The following PRPSAP2 variants were observed in gnomAD, a reference collection of about 807,000 sequenced individuals.
The protein encoded by PRPSAP2 is phosphoribosyl pyrophosphate synthase-associated protein 2.
A neutral mutation model predicts 40.6 loss-of-function variants in PRPSAP2; 24 were observed. That is an observed-to-expected ratio of 0.59 (90% CI 0.43 to 0.83). The LOEUF (loss-of-function observed/expected upper bound fraction) is 0.83. Ranked by LOEUF, PRPSAP2 falls within the 40% of genes least tolerant of loss-of-function variation. The probability of loss-of-function intolerance (pLI) is 0.00; values close to 1 mark genes in which losing one functional copy is unlikely to be tolerated. For missense variants in PRPSAP2, 292 were observed against 465.6 expected, an observed-to-expected ratio of 0.63 and a Z score of 3.43; for synonymous variants, 149 against 164.7, an observed-to-expected ratio of 0.90 and a Z score of 0.73.
chr17:18,886,958 C>T (rs1158422722), intron 7 of PRPSAP2, among the ~76,000 whole-genome samples: 11 of 59,354 alleles, frequency 1.9e-4, no homozygotes, highest in Admixed American at 1.5e-3. Context: ...TTTTTTGAGA[C>T]GGAGTTTTGC....
chr17:18,883,975 A>G (rs1258592905), intron 7 of PRPSAP2, among the ~76,000 whole-genome samples: 1 of 152,236 alleles, frequency 6.6e-6, no homozygotes, highest in African/African-American at 2.4e-5. Context: ...CACAAGAAAC[A>G]TAAAAACTCT....
At chr17:18,908,770 C>G in intron 8 of PRPSAP2, 2 of 704,962 alleles carry the variant, frequency 2.8e-6, no homozygotes, top group Admixed American at 4.4e-5. Context: ...AAGAAAGGAT[C>G]GGGCAAAAAC....
chr17:18,907,863 G>A lies in PRPSAP2; in HGVS notation c.585-3240G>A, dbSNP rs116025552. Among the ~76,000 whole-genome samples the A allele has an allele frequency of 5.8e-3, 879 of 152,236 alleles. 9 individuals are homozygous for A. The highest frequency in any genetic ancestry group is 0.02 in the African/African-American group (847 of 41,540). On this transcript the variant is annotated intron_variant, in intron 8 of 11. Transcript: ENST00000268835. ...ATGAAAATGAAGACACAGGCCAGGC[G>A]CGGTGGCTCATGCCTGTATTCCCAA...
At chr17:18,907,514 C>T (rs938390504) in intron 8 of PRPSAP2, among the ~76,000 whole-genome samples, 1 of 152,096 alleles carries the variant, frequency 6.6e-6, no homozygotes. Context: ...ATTAAGGATG[C>T]GGGAGACTTG....
chr17:18,861,168 A>G (rs528897229), intron 1 of PRPSAP2, among the ~76,000 whole-genome samples: 1 of 152,306 alleles, frequency 6.6e-6, no homozygotes, highest in Admixed American at 6.5e-5. Flanking sequence ...AACTAAAACT[A>G]CAAGCAGGCA....
chr17:18,910,650 A>T (rs980436709), intron 8 of PRPSAP2, among the ~76,000 whole-genome samples: 4 of 152,148 alleles, frequency 2.6e-5, no homozygotes, highest in African/African-American at 9.7e-5. Context: ...GAAATTATAT[A>T]CTTTAGATAT....
chr17:18,927,194 C>T (rs2042022958), intron 10 of PRPSAP2, among the ~76,000 whole-genome samples: 1 of 152,100 alleles, frequency 6.6e-6, no homozygotes, highest in Non-Finnish European at 1.5e-5. Context: ...CTTTTTATAG[C>T]GACATGAATT....
chr17:18,925,985 G>A (rs566855301), intron 10 of PRPSAP2, among the ~76,000 whole-genome samples: 17 of 151,996 alleles, frequency 1.1e-4, no homozygotes, highest in Non-Finnish European at 2.1e-4. Flanking sequence ...GGCTCCTGTA[G>A]TCCCAGCTAC....
At chr17:18,905,582 A>ATT (rs879454109) in intron 8 of PRPSAP2, among the ~76,000 whole-genome samples, 2 of 145,986 alleles carry the variant, frequency 1.4e-5, no homozygotes, top group Non-Finnish European at 1.5e-5. Flanking sequence ...TCTCTTGAGA[A>ATT]TTTTTTTTTT....
In PRPSAP2 at chr17:18,911,150, A is replaced by G. The variant is rs765370145; in HGVS notation, c.632A>G (p.His211Arg). ...CTGCGCCTGGGAATTGCAGTGATTC[A>G]TGGAGAGGCGCAGGATGCCGAGTCG... Reference protein sequence around the residue: ...ERLRLGIAVIHGEAQDAESDL... With the variant: ...ERLRLGIAVIRGEAQDAESDL... Residue 211 changes from histidine to arginine, a missense_variant, in exon 9 of 12, where the codon CAT (histidine) becomes CGT (arginine). Physicochemically the swap from His to Arg is conservative, Grantham distance 29. Around this residue, in one of 2 missense-constraint regions of PRPSAP2, gnomAD observed 241 missense variants for 425.7 expected, o/e 0.57. Coordinates refer to ENST00000268835, the MANE Select transcript of PRPSAP2 (RefSeq NM_002767.4). The surrounding 1 kb of genome is among the most constrained non-coding windows in gnomAD (Gnocchi z 4.5). The G allele has an allele frequency of 8.7e-6, 14 of 1,613,738 alleles. No individual in the cohort carries two copies.
chr17:18,920,997 T>C (rs1167540875), intron 9 of PRPSAP2, among the ~76,000 whole-genome samples: 2 of 149,664 alleles, frequency 1.3e-5, no homozygotes, highest in African/African-American at 4.9e-5. Flanking sequence ...CAGCAATTTC[T>C]TTTTTTTTTC....
chr17:18,916,847 C>T (rs1044010682), intron 9 of PRPSAP2, among the ~76,000 whole-genome samples: 6 of 152,190 alleles, frequency 3.9e-5, no homozygotes, highest in Non-Finnish European at 8.8e-5. Flanking sequence ...CAAGGCAGCT[C>T]TCTGTAAGGG....
chr17:18,878,351 G>A (rs1242819289), intron 6 of PRPSAP2, among the ~76,000 whole-genome samples: 3 of 151,994 alleles, frequency 2.0e-5, no homozygotes, highest in South Asian at 2.1e-4. Flanking sequence ...CTGAGTAGTT[G>A]GAACTATGGA....
intron 8 of PRPSAP2, among the ~76,000 whole-genome samples, chr17:18,894,838 T>G (rs988029490): frequency 6.6e-6 from 1 of 152,138 alleles, no homozygotes; most frequent in African/African-American, 2.4e-5. Context: ...TTCAATATTG[T>G]GTTGGCTATT....
chr17:18,863,058 G>C (rs1232659857), intron 1 of PRPSAP2, among the ~76,000 whole-genome samples: 1 of 152,022 alleles, frequency 6.6e-6, no homozygotes, highest in Non-Finnish European at 1.5e-5. Flanking sequence ...CTGACCTCGT[G>C]ATCCACCTGC....
rs140627139 is a variant in PRPSAP2, at chr17:18,896,069, C to A, written c.584+6192C>A. 9.9e-5 allele frequency among the ~76,000 whole-genome samples: 15 copies of A among 152,282 alleles called. No homozygotes were observed. In the East Asian group the frequency reaches 2.9e-3, roughly 29 times the overall value. ...TAAAAGTGTGAGCCACCATGCCCGG[C>A]CCATATTTTCCTTTTTGTTTGCATG... On this transcript the variant is annotated intron_variant, in intron 8 of 11. Transcript: ENST00000268835.
chr17:18,893,486 G>A (rs2039708949), intron 8 of PRPSAP2, among the ~76,000 whole-genome samples: 1 of 151,934 alleles, frequency 6.6e-6, no homozygotes, highest in Non-Finnish European at 1.5e-5. Flanking sequence ...CAGGTGCAGT[G>A]GCTCACTTCT....
At chr17:18,894,300 C>T (rs1378251614) in intron 8 of PRPSAP2, among the ~76,000 whole-genome samples, 3 of 151,908 alleles carry the variant, frequency 2.0e-5, no homozygotes, top group African/African-American at 7.3e-5. Flanking sequence ...GCTGGGATTA[C>T]AGGCATGCGC....
intron 8 of PRPSAP2, among the ~76,000 whole-genome samples, chr17:18,900,813 G>A (rs1010454787): frequency 1.3e-5 from 2 of 152,130 alleles, no homozygotes; most frequent in African/African-American, 4.8e-5. Context: ...TTCTCATTGG[G>A]TGGTGGTGGA....
Sources: allele counts gnomAD v4.1 joint callset (sites outside exome capture counted in the v4.1 genomes callset), GRCh38; gene constraint gnomAD v4.1.1; regional missense constraint gnomAD v4.1.1; non-coding constraint Gnocchi (gnomAD v3.1); transcripts MANE v1.5; gene names NCBI Gene and HGNC (gene_info 2026-07-23, HGNC 2026-07-21).